DPF3: variants seen among roughly 807,000 people sequenced by gnomAD.
DPF3 encodes the protein zinc finger protein DPF3.
A neutral mutation model predicts 56.8 loss-of-function variants in DPF3; 18 were observed. The observed-to-expected ratio is 0.32, with a 90% CI of 0.22 to 0.47. The LOEUF is 0.47. DPF3 is among the 20% of genes least tolerant of loss of function. The probability of loss-of-function intolerance (pLI) is 1.00; values close to 1 mark genes in which losing one functional copy is unlikely to be tolerated. For synonymous variants in DPF3, 188 were observed against 180.2 expected, an observed-to-expected ratio of 1.04 and a Z score of -0.35; for missense variants, 403 against 488.8, an observed-to-expected ratio of 0.82 and a Z score of 1.65.
At chr14:72,733,855 A>G (rs1196022219) in intron 3 of DPF3, among the ~76,000 whole-genome samples, 1 of 152,244 alleles carries the variant, frequency 6.6e-6, no homozygotes, top group Non-Finnish European at 1.5e-5. Flanking sequence ...GCAAGCGGGC[A>G]TCCATTAAAA....
rs1490740953 is a variant in DPF3, at chr14:72,610,285, C to T, written c.*9012G>A. ...CATCCAAGGCCTGGTGGAGCCTGTG[C>T]AGGCCTGAGCTTCCTCGTGGAGCAG... On this transcript the variant is annotated 3_prime_UTR_variant, in exon 11 of 11. Transcript: ENST00000556509. 6.6e-6 allele frequency among the ~76,000 whole-genome samples: 1 copy of T among 152,316 alleles called. No individual in the cohort carries two copies. Among genetic ancestry groups the T allele is most frequent in the African/African-American group, 2.4e-5 (1 of 41,572 alleles).
intron 8 of DPF3, among the ~76,000 whole-genome samples, chr14:72,665,179 C>T (rs1242034342): frequency 6.6e-6 from 1 of 152,150 alleles, no homozygotes; most frequent in Non-Finnish European, 1.5e-5. Context: ...TCACATACTA[C>T]CCCATGACAG....
At chr14:72,639,286 T>C (rs1885474537) in intron 8 of DPF3, among the ~76,000 whole-genome samples, 1 of 152,236 alleles carries the variant, frequency 6.6e-6, no homozygotes. Flanking sequence ...GAATGAGGCA[T>C]GACTCCTGCC....
intron 3 of DPF3, among the ~76,000 whole-genome samples, chr14:72,749,295 G>T (rs1260056231): frequency 6.6e-6 from 1 of 152,212 alleles, no homozygotes; most frequent in Non-Finnish European, 1.5e-5. Context: ...AACTTGCATG[G>T]GGCCTGTAGC....
At chr14:72,727,575 CAAAA>C (rs575342495) in intron 4 of DPF3, among the ~76,000 whole-genome samples, 1 of 115,634 alleles carries the variant, frequency 8.6e-6, no homozygotes. Context: ...GACTCCATCT[CAAAA>C]AAAAAAAAAA....
At chr14:72,784,889 G>A (rs936155015) in intron 1 of DPF3, among the ~76,000 whole-genome samples, 3 of 152,020 alleles carry the variant, frequency 2.0e-5, no homozygotes, top group South Asian at 2.1e-4. Context: ...CCCAGAAGGC[G>A]GAGGTTGCAG....
chr14:72,630,788 C>T (rs1567183180), intron 8 of DPF3, among the ~76,000 whole-genome samples: 1 of 152,232 alleles, frequency 6.6e-6, no homozygotes, highest in African/African-American at 2.4e-5. Context: ...CGAGCACTCA[C>T]CGTTCTCCAG....
At chr14:72,665,197 A>C (rs535263279) in intron 8 of DPF3, among the ~76,000 whole-genome samples, 39 of 152,298 alleles carry the variant, frequency 2.6e-4, no homozygotes, top group African/African-American at 9.1e-4. Flanking sequence ...CAGCTCTTAC[A>C]TGATTTTAAC....
At chr14:72,672,058 C>CACAG (rs1365995740) in intron 8 of DPF3, among the ~76,000 whole-genome samples, 1 of 72,616 alleles carries the variant, frequency 1.4e-5, no homozygotes, top group East Asian at 1.9e-3. Flanking sequence ...CACACACACA[C>CACAG]AGACACACAC....
chr14:72,710,021 C>G (rs768165223), intron 6 of DPF3, among the ~76,000 whole-genome samples: 2 of 152,216 alleles, frequency 1.3e-5, no homozygotes, highest in African/African-American at 2.4e-5. Flanking sequence ...ACAAAATGTT[C>G]TCCCTGAATA....
intron 9 of DPF3, among the ~76,000 whole-genome samples, chr14:72,623,047 C>T (rs1256453979): frequency 6.6e-6 from 1 of 152,154 alleles, no homozygotes; most frequent in Non-Finnish European, 1.5e-5. Context: ...CTAAGATATT[C>T]AGAGAAAACA....
intron 1 of DPF3, among the ~76,000 whole-genome samples, chr14:72,838,236 G>A (rs1265554256): frequency 6.6e-6 from 1 of 152,252 alleles, no homozygotes; most frequent in Non-Finnish European, 1.5e-5. Context: ...GCTCACGCCT[G>A]TAATTCCAGC....
chr14:72,678,431 A>G lies in DPF3; in HGVS notation c.743-4063T>C, dbSNP rs117540617. ...TTTAATGTCCCTACTACAGTAATCC[A>G]TCCTGGGTGATCCTGTTTATTGTCA... On this transcript the variant is annotated intron_variant, in intron 7 of 10. Coordinates refer to ENST00000556509, the MANE Select transcript of DPF3 (RefSeq NM_001280542.3). 3.3e-3 allele frequency among the ~76,000 whole-genome samples: 507 copies of G among 152,328 alleles called. 3 individuals are homozygous for G. The highest frequency in any genetic ancestry group is 6.4e-3 in the Non-Finnish European group (432 of 68,020).
In DPF3 at chr14:72,723,784, C is replaced by T. The variant is rs563526091; in HGVS notation, c.430-56G>A. ...AGAAACGAAATGCAAAGGGAAAAAC[C>T]ATCAGAGAGTAATTTTAAGGGTGTT... On this transcript the variant is annotated intron_variant, in intron 4 of 10. Coordinates refer to ENST00000556509, the MANE Select transcript of DPF3 (RefSeq NM_001280542.3). The T allele has an allele frequency of 7.8e-5, 115 of 1,474,638 alleles. No homozygotes were observed. In the Middle Eastern group the frequency reaches 3.9e-3, roughly 50 times the overall value. The allele number at this position is 1,474,638 out of a possible 1,614,324, so 91.3% of individuals were successfully genotyped here. A position where few individuals can be genotyped will look rare whatever the true frequency, so the allele number is the denominator to read the frequency against.
chr14:72,714,410 G>T lies in DPF3; in HGVS notation c.604+13C>A. 1 of 1,613,614 alleles carries T rather than the reference G, an allele frequency of 6.2e-7. No individual in the cohort carries two copies. The stretch of plus-strand genomic sequence containing the variant: ...CACAGGGAGGAAGGAAGGTGGGACC[G>T]GCCCATACTTACTGTCACAGACGTA... On this transcript the variant is annotated intron_variant, in intron 6 of 10. Transcript: ENST00000556509.
rs1222072602 is a variant in DPF3 at position 72,612,531 on chromosome 14, C to A, written c.*6766G>T. 1 of 518,760 alleles carries A rather than the reference C, an allele frequency of 1.9e-6. No homozygotes were observed. 32.1% of individuals were successfully genotyped at this position (518,760 alleles called of 1,614,324 possible). A position where few individuals can be genotyped will look rare whatever the true frequency, so the allele number is the denominator to read the frequency against. On this transcript the variant is annotated 3_prime_UTR_variant, in exon 11 of 11. Transcript: ENST00000556509. ...TCCTATACGCCACTGTTGCTTCCCA[C>A]TTCCCACCTCCACCCCACTCCTTAG...
intron 8 of DPF3, among the ~76,000 whole-genome samples, chr14:72,664,355 T>A (rs191667413): frequency 1.1e-3 from 171 of 152,256 alleles, no homozygotes; most frequent in African/African-American, 4.1e-3. Flanking sequence ...CACATGTATT[T>A]TTCCTTTGCC....
At chr14:72,813,788 G>A (rs1883166220) in intron 1 of DPF3, among the ~76,000 whole-genome samples, 1 of 152,160 alleles carries the variant, frequency 6.6e-6, no homozygotes, top group Non-Finnish European at 1.5e-5. Flanking sequence ...TTGGTGAGAG[G>A]ACTAAATGAG....
At chr14:72,893,068 G>A (rs1452887655) in intron 1 of DPF3, among the ~76,000 whole-genome samples, 3 of 152,218 alleles carry the variant, frequency 2.0e-5, no homozygotes, top group African/African-American at 7.2e-5. Context: ...TTGGCTGTTG[G>A]ACCCGGGGCT....
Sources: allele counts gnomAD v4.1 joint callset (sites outside exome capture counted in the v4.1 genomes callset), GRCh38; gene constraint gnomAD v4.1.1; transcripts MANE v1.5; gene names NCBI Gene and HGNC (gene_info 2026-07-23, HGNC 2026-07-21).